MYO18B: variants seen among roughly 807,000 people sequenced by gnomAD.
MYO18B encodes the protein myosin XVIIIB, also known as unconventional myosin-XVIIIb.
MYO18B carries 204 observed loss-of-function variants against 273.0 expected under a neutral mutation model. That is an observed-to-expected ratio of 0.75 (90% confidence interval 0.67 to 0.84). The LOEUF (loss-of-function observed/expected upper bound fraction) is 0.84, where lower values mean the gene tolerates loss of function less well. Ranked by LOEUF, MYO18B falls within the 40% of genes least tolerant of loss-of-function variation. The pLI is 0.00. For synonymous variants in MYO18B, 1,330 were observed against 1,305.7 expected (o/e 1.02, Z -0.40); for missense variants, 3,212 against 3,287.6 (o/e 0.98, Z 0.56).
At chr22:25,755,927 C>T (rs917032233) in intron 1 of MYO18B, among the ~76,000 whole-genome samples, 1 of 151,876 alleles carries the variant, frequency 6.6e-6, no homozygotes, top group Non-Finnish European at 1.5e-5. Context: ...TCTTTCCCCC[C>T]ACCCCCGTTG....
intron 15 of MYO18B, among the ~76,000 whole-genome samples, chr22:25,829,532 A>T (rs1276705105): frequency 1.3e-5 from 2 of 152,098 alleles, no homozygotes; most frequent in East Asian, 3.9e-4. Flanking sequence ...TAAAAAAAAA[A>T]AAAAAGAGGT....
the MYO18B span, among the ~76,000 whole-genome samples, chr22:26,041,369 A>C: frequency 1.3e-5 from 2 of 150,636 alleles, no homozygotes; most frequent in African/African-American, 2.5e-5. Flanking sequence ...AAAAAAAAAA[A>C]AAACAAAACT....
intron 41 of MYO18B, among the ~76,000 whole-genome samples, chr22:26,003,662 C>T (rs1182647225): frequency 1.3e-5 from 2 of 152,144 alleles, no homozygotes; most frequent in African/African-American, 4.8e-5. Flanking sequence ...TATGCCCCGA[C>T]CTTTATGACC....
chr22:25,963,138 C>CCT (rs138924267), intron 39 of MYO18B, among the ~76,000 whole-genome samples: 1,914 of 146,608 alleles, frequency 0.013, 41 homozygotes, highest in African/African-American at 0.046. Flanking sequence ...TTCTCTTTCT[C>CCT]CTCTCTCTCT....
At chr22:25,751,715 T>C (rs2085934707) in intron 1 of MYO18B, among the ~76,000 whole-genome samples, 1 of 152,208 alleles carries the variant, frequency 6.6e-6, no homozygotes, top group Non-Finnish European at 1.5e-5. Context: ...TGGATTTTAA[T>C]ATAATGAAAT....
intron 31 of MYO18B, among the ~76,000 whole-genome samples, chr22:25,905,429 C>G (rs1236895723): frequency 6.6e-6 from 1 of 152,194 alleles, no homozygotes; most frequent in Non-Finnish European, 1.5e-5. Flanking sequence ...AATCTCTGCC[C>G]TCCCAAAGTT....
In MYO18B at chr22:25,890,595, C is replaced by T. The variant is rs59120946; in HGVS notation, c.4315-161C>T. Among the ~76,000 whole-genome samples, 3,473 of 152,216 alleles carry T rather than the reference C, an allele frequency of 0.023. 143 individuals are homozygous for T. The highest frequency in any genetic ancestry group is 0.077 in the African/African-American group (3,208 of 41,492). ...TAGTGAGTGTTGAACCACATCAAGA[C>T]CAATAAAATTCTGAAGTCCATCCTC... On this transcript the variant is annotated intron_variant, in intron 25 of 43. Coordinates refer to ENST00000335473, the MANE Select transcript of MYO18B (RefSeq NM_032608.7).
chr22:25,901,203 T>G (rs1407752705), intron 29 of MYO18B: 1 of 152,168 alleles, frequency 6.6e-6, no homozygotes, highest in Non-Finnish European at 1.5e-5. Flanking sequence ...TGAATGATAG[T>G]CTAGTATTAA....
chr22:25,848,537 G>C (rs2748237), intron 20 of MYO18B, among the ~76,000 whole-genome samples: 127,721 of 152,196 alleles, frequency 0.84, 53,803 homozygotes, highest in East Asian at 1. Context: ...GCGCAGGCTG[G>C]GAATGCCTCT....
chr22:26,007,923 A>G (rs1028926090), intron 42 of MYO18B, among the ~76,000 whole-genome samples: 11 of 152,186 alleles, frequency 7.2e-5, no homozygotes, highest in Admixed American at 4.6e-4. Flanking sequence ...AGGATCCATC[A>G]TCTTCAGTTT....
At chr22:25,864,754 A>G (rs2090838480) in intron 21 of MYO18B, among the ~76,000 whole-genome samples, 1 of 152,256 alleles carries the variant, frequency 6.6e-6, no homozygotes, top group African/African-American at 2.4e-5. Context: ...TGTGTAAAGC[A>G]GTTGGAGCAG....
chr22:25,947,920 T>A, intron 36 of MYO18B, 92 bp downstream of exon 36: 1 of 888,234 alleles, frequency 1.1e-6, no homozygotes, highest in Non-Finnish European at 1.8e-6. Context: ...GACTACTCCC[T>A]GGTCTTAACA....
At chr22:26,015,101 T>A (rs1343167600) in intron 42 of MYO18B, among the ~76,000 whole-genome samples, 1 of 152,224 alleles carries the variant, frequency 6.6e-6, no homozygotes, top group East Asian at 1.9e-4. Context: ...TTGCAATTGC[T>A]TTTGGCATCT....
chr22:25,784,366 T>C (rs1186031126), intron 10 of MYO18B, among the ~76,000 whole-genome samples: 1 of 152,252 alleles, frequency 6.6e-6, no homozygotes, highest in Non-Finnish European at 1.5e-5. Context: ...TGTGAGTTTA[T>C]GTATAATATC....
chr22:25,975,021 A>G (rs952272872), intron 39 of MYO18B, among the ~76,000 whole-genome samples: 6 of 152,152 alleles, frequency 3.9e-5, no homozygotes, highest in African/African-American at 1.2e-4. Flanking sequence ...CTGGCTTCCA[A>G]AGTTCTGGAA....
chr22:25,828,508 CA>C (rs2089577961), intron 14 of MYO18B, among the ~76,000 whole-genome samples: 1 of 150,966 alleles, frequency 6.6e-6, no homozygotes, highest in African/African-American at 2.4e-5. Context: ...TTAAGCTAGT[CA>C]TTTTTTTTTT....
chr22:25,964,459 G>A (rs2092955387), intron 39 of MYO18B, among the ~76,000 whole-genome samples: 1 of 152,138 alleles, frequency 6.6e-6, no homozygotes, highest in Non-Finnish European at 1.5e-5. Context: ...ACGTGTTCAA[G>A]TACAATTTTA....
intron 27 of MYO18B, among the ~76,000 whole-genome samples, chr22:25,894,276 CT>C (rs11312238): frequency 0.11 from 16,013 of 152,072 alleles, 1,203 homozygotes; most frequent in East Asian, 0.24. Flanking sequence ...ATTTCATTAT[CT>C]TGTACAAAGT....
intron 21 of MYO18B, among the ~76,000 whole-genome samples, chr22:25,864,173 G>A (rs535342815): frequency 2.0e-5 from 3 of 152,332 alleles, no homozygotes; most frequent in African/African-American, 7.2e-5. Context: ...GAGAGACAGA[G>A]CTGGGGTGGG....
Sources: allele counts gnomAD v4.1 joint callset (sites outside exome capture counted in the v4.1 genomes callset), GRCh38; gene constraint gnomAD v4.1.1; transcripts MANE v1.5; gene names NCBI Gene and HGNC (gene_info 2026-07-23, HGNC 2026-07-21).